Variants in FRAS1 observed in about 807,000 individuals in gnomAD.
The protein encoded by FRAS1 is extracellular matrix organizing protein FRAS1.
FRAS1 carries 290 observed loss-of-function variants against 435.2 expected under a neutral mutation model. That is an observed-to-expected ratio of 0.67 (90% CI 0.61 to 0.73). The LOEUF (loss-of-function observed/expected upper bound fraction) is 0.73, where lower values mean the gene tolerates loss of function less well. FRAS1 is among the 30% of genes least tolerant of loss of function. The pLI, the probability that FRAS1 is intolerant of heterozygous loss-of-function variation, is 0.00. For missense variants in FRAS1, 4,860 were observed against 5,001.5 expected (o/e 0.97, Z 0.85); for synonymous variants, 1,800 against 1,851.0 (o/e 0.97, Z 0.71).
In FRAS1 at chr4:78,272,349, C is replaced by A. The variant is rs551989457; in HGVS notation, c.981+4917C>A. Among the ~76,000 whole-genome samples, 5 of 152,260 alleles carry A rather than the reference C, an allele frequency of 3.3e-5. No homozygotes were observed. The South Asian group carries it at 1.0e-3, about 32-fold the overall frequency. ...CATTTGTCAATTTTGGCTTTTGTTG[C>A]CATTGCTTTTGGTGTTTTAGACATG... On this transcript the variant is annotated intron_variant, in intron 9 of 73. Coordinates refer to ENST00000512123, the MANE Select transcript of FRAS1 (RefSeq NM_025074.7).
intron 15 of FRAS1, 92 bp from the exon 16 acceptor site, chr4:78,315,502 T>G: frequency 1.6e-6 from 2 of 1,284,030 alleles, no homozygotes; most frequent in South Asian, 1.7e-5. Flanking sequence ...ATTATGATAT[T>G]GATACCCATT....
chr4:78,444,451 T>C (rs979204529), intron 41 of FRAS1, among the ~76,000 whole-genome samples: 3 of 152,192 alleles, frequency 2.0e-5, no homozygotes, highest in Admixed American at 2.0e-4. Context: ...CTGTCTATAA[T>C]TCAGGAAGTT....
intron 2 of FRAS1, among the ~76,000 whole-genome samples, chr4:78,139,003 C>T (rs7681733): frequency 1.2e-3 from 182 of 152,290 alleles, no homozygotes; most frequent in African/African-American, 4.2e-3. Flanking sequence ...TGCAGATCTG[C>T]ACATCTGTGT....
intron 20 of FRAS1, among the ~76,000 whole-genome samples, chr4:78,355,034 T>G (rs1200654014): frequency 6.6e-6 from 1 of 152,188 alleles, no homozygotes; most frequent in Non-Finnish European, 1.5e-5. Flanking sequence ...GGTGACATAT[T>G]AGAGGATTCT....
intron 2 of FRAS1, among the ~76,000 whole-genome samples, chr4:78,073,308 T>C (rs934616614): frequency 6.6e-6 from 1 of 152,204 alleles, no homozygotes; most frequent in African/African-American, 2.4e-5. Flanking sequence ...TTCTTATTCA[T>C]ATTTGTGTGG....
intron 72 of FRAS1, among the ~76,000 whole-genome samples, chr4:78,538,295 T>C (rs143647149): frequency 1.0e-3 from 154 of 152,340 alleles, no homozygotes; most frequent in Middle Eastern, 6.8e-3. Context: ...TCGATAGATA[T>C]AAGTCACATA....
At chr4:78,323,699 G>A (rs559388159) in intron 18 of FRAS1, among the ~76,000 whole-genome samples, 4 of 152,210 alleles carry the variant, frequency 2.6e-5, no homozygotes, top group East Asian at 3.9e-4. Flanking sequence ...GTGGCAGTAC[G>A]TGGCAGCCCA....
In FRAS1 at chr4:78,527,317, TATTCATTC is replaced by T. The variant is rs56229743; in HGVS notation, c.10925+683_10925+690del. Among the ~76,000 whole-genome samples, 37 of 150,652 alleles carry T rather than the reference TATTCATTC, an allele frequency of 2.5e-4. 1 individual carries two copies. The highest frequency in any genetic ancestry group is 1.0e-3 in the East Asian group (5 of 5,024). On this transcript the variant is annotated intron_variant, in intron 70 of 73. Coordinates refer to ENST00000512123, the MANE Select transcript of FRAS1 (RefSeq NM_025074.7). Reference sequence around the variant, plus strand: ...AGACCTGAGACTGTATTGTGCTGTATATTCATTCATTCATTCATTCATTCATTCATATT... The same window carrying T: ...AGACCTGAGACTGTATTGTGCTGTATATTCATTCATTCATTCATTCATATT...
chr4:78,074,725 C>T (rs925604749), intron 2 of FRAS1, among the ~76,000 whole-genome samples: 1 of 152,128 alleles, frequency 6.6e-6, no homozygotes, highest in African/African-American at 2.4e-5. Context: ...ATGTGTGGAA[C>T]TGCTAATATT....
chr4:78,142,965 A>G (rs888932121), intron 2 of FRAS1, among the ~76,000 whole-genome samples: 4 of 152,174 alleles, frequency 2.6e-5, no homozygotes, highest in African/African-American at 9.7e-5. Flanking sequence ...AAAAAGAAAC[A>G]AGTATAAAGC....
chr4:78,315,503 G>T (rs890174628), intron 15 of FRAS1, 91 bp from the exon 16 acceptor site: 1 of 1,289,340 alleles, frequency 7.8e-7, no homozygotes, highest in East Asian at 2.5e-5. Flanking sequence ...TTATGATATT[G>T]ATACCCATTG....
intron 2 of FRAS1, among the ~76,000 whole-genome samples, chr4:78,187,253 T>G (rs1722313471): frequency 6.6e-6 from 1 of 151,932 alleles, no homozygotes. Context: ...ACCCATGGAG[T>G]GATGAAAGGG....
Position 78,526,561 on chromosome 4 carries a change from A to G in FRAS1, c.10829A>G (p.Tyr3610Cys), listed in dbSNP as rs1465912374. The change falls in exon 70 of 74, where the codon TAC becomes TGC. Residue 3610 changes from tyrosine (Y) to cysteine (C), a missense_variant. Tyr to Cys is a radical substitution (Grantham distance 194). Transcript: ENST00000512123. Reference sequence around the variant, plus strand: ...TCCAGGAAGGACTACTCAGGAGAGTACACCATCTACCTGATCCCTTGCACA... The same window carrying G: ...TCCAGGAAGGACTACTCAGGAGAGTGCACCATCTACCTGATCCCTTGCACA... ...SYNRKDYSGE[Y>C]TIYLIPCTVQ... is the part of the protein sequence containing the mutation. 6.3e-7 allele frequency: 1 copy of G among 1,598,106 alleles called. No homozygotes were observed. The highest frequency in any genetic ancestry group is 1.1e-5 in the South Asian group (1 of 87,526).
intron 2 of FRAS1, among the ~76,000 whole-genome samples, chr4:78,167,806 C>T (rs561982466): frequency 6.6e-6 from 1 of 152,090 alleles, no homozygotes; most frequent in African/African-American, 2.4e-5. Context: ...CCAGTTGACA[C>T]AGTGGGTAGT....
chr4:78,065,849 C>A (rs1740005953), intron 1 of FRAS1, 136 bp from the exon 2 acceptor site: 1 of 693,370 alleles, frequency 1.4e-6, no homozygotes, highest in Non-Finnish European at 2.6e-6. Context: ...AATGCTGAAG[C>A]TTTTAAGATT....
rs1733809059 is a variant in FRAS1 at position 78,421,998 on chromosome 4, C to T, written c.4676C>T (p.Ala1559Val). ...CAGGAGCTCATGGCCTTCTCGTTCGCTGGTAATGCTCTCCTCTCTGCTTTG... is the reference window on the plus strand; with the variant it reads ...CAGGAGCTCATGGCCTTCTCGTTCGTTGGTAATGCTCTCCTCTCTGCTTTG... The part of the protein sequence containing the change: ...HLQELMAFSF[A>V]GLPESVKFHF... The change falls in exon 34 of 74, where the codon GCT becomes GTT. Residue 1559 changes from alanine (A) to valine (V), a missense_variant and splice_region_variant. Transcript: ENST00000512123. The T allele has an allele frequency of 6.2e-7, 1 of 1,609,880 alleles. No homozygotes were observed. Among genetic ancestry groups the T allele is most frequent in the Non-Finnish European group, 8.5e-7 (1 of 1,177,722 alleles).
At chr4:78,182,161 A>C in intron 2 of FRAS1, 1 of 746,982 alleles carries the variant, frequency 1.3e-6, no homozygotes, top group Non-Finnish European at 2.2e-6. Flanking sequence ...GCAGGTATTT[A>C]ATAATTTCAC....
rs552422049 is a variant in FRAS1 at position 78,427,198 on chromosome 4, G to A, written c.4712-1897G>A. 7.9e-5 allele frequency among the ~76,000 whole-genome samples: 12 copies of A among 152,210 alleles called. No homozygotes were observed. In the South Asian group the frequency reaches 2.5e-3, roughly 32 times the overall value. ...GTTAATCATGGGAGGGGAGCTGGTGGCTTTCTAAAAAGAGAACAAGAGACT... is the reference window on the plus strand; with the variant it reads ...GTTAATCATGGGAGGGGAGCTGGTGACTTTCTAAAAAGAGAACAAGAGACT... On this transcript the variant is annotated intron_variant, in intron 35 of 73. Coordinates refer to ENST00000512123, the MANE Select transcript of FRAS1 (RefSeq NM_025074.7).
intron 6 of FRAS1, 78 bp downstream of exon 6, chr4:78,255,453 A>C: frequency 2.2e-6 from 3 of 1,379,704 alleles, no homozygotes; most frequent in Non-Finnish European, 2.9e-6. Context: ...TATGGCAGGC[A>C]GGCCTCAGAA....
Sources: allele counts gnomAD v4.1 joint callset (sites outside exome capture counted in the v4.1 genomes callset), GRCh38; gene constraint gnomAD v4.1.1; transcripts MANE v1.5; gene names NCBI Gene and HGNC (gene_info 2026-07-23, HGNC 2026-07-21).